The following ZNF362 variants were observed in gnomAD, a reference collection of about 807,000 sequenced individuals.
ZNF362 encodes rotund homolog.
Under a neutral mutation model 42.9 loss-of-function variants are expected in ZNF362, and 11 were observed. That is an observed-to-expected ratio of 0.26 (90% CI 0.16 to 0.42). The LOEUF (loss-of-function observed/expected upper bound fraction) is 0.42. Among genes scored for constraint, ZNF362 ranks in the 20% least tolerant of loss-of-function variants. ZNF362 has a pLI of 1.00. For missense variants in ZNF362, 362 were observed against 576.2 expected, an observed-to-expected ratio of 0.63 and a Z score of 3.81; for synonymous variants, 255 against 257.3, an observed-to-expected ratio of 0.99 and a Z score of 0.09.
At chr1:33,287,662 A>T (rs1032913761) in intron 6 of ZNF362, among the ~76,000 whole-genome samples, 4 of 152,180 alleles carry the variant, frequency 2.6e-5, no homozygotes, top group Non-Finnish European at 4.4e-5. Flanking sequence ...GAGTGATGTT[A>T]TGTACATGCC....
chr1:33,293,434 T>C (rs1306316485), intron 6 of ZNF362, among the ~76,000 whole-genome samples: 1 of 152,194 alleles, frequency 6.6e-6, no homozygotes, highest in Admixed American at 6.5e-5. Context: ...ATGGGCTTAT[T>C]GGTAGCAGGG....
At chr1:33,176,350 G>A in the ZNF362 span, 2 of 658,406 alleles carry the variant, frequency 3.0e-6, no homozygotes, top group Non-Finnish European at 2.8e-6. Flanking sequence ...CTAGCCCCCA[G>A]CCCCCTCCCT....
chr1:33,273,362 A>G (rs1645919717), intron 2 of ZNF362, among the ~76,000 whole-genome samples: 1 of 152,200 alleles, frequency 6.6e-6, no homozygotes, highest in Admixed American at 6.5e-5. Context: ...ATCTAGGGTG[A>G]AGGGTGGCCC....
the ZNF362 span, among the ~76,000 whole-genome samples, chr1:33,207,308 C>T: frequency 6.6e-6 from 1 of 152,152 alleles, no homozygotes; most frequent in Non-Finnish European, 1.5e-5. Context: ...GCATAGTATT[C>T]CATGGTGTAT....
chr1:33,131,579 G>A, the ZNF362 span, among the ~76,000 whole-genome samples: 1 of 152,092 alleles, frequency 6.6e-6, no homozygotes, highest in Non-Finnish European at 1.5e-5. Flanking sequence ...ATTGAATATT[G>A]ATTTTAGTAT....
At chr1:33,159,613 C>A in the ZNF362 span, 1 of 1,517,126 alleles carries the variant, frequency 6.6e-7, no homozygotes, top group Non-Finnish European at 8.8e-7. The surrounding 1 kb of genome is among the most constrained non-coding windows in gnomAD (Gnocchi z 4.2). Context: ...ATCCCATCTG[C>A]CTCCACTCCC....
the ZNF362 span, among the ~76,000 whole-genome samples, chr1:33,184,377 G>A: frequency 6.6e-6 from 1 of 152,218 alleles, no homozygotes; most frequent in African/African-American, 2.4e-5. Context: ...TCATCCTCCT[G>A]TTCTTCTATG....
the ZNF362 span, chr1:33,146,930 C>G: frequency 1.8e-6 from 1 of 541,150 alleles, no homozygotes; most frequent in Non-Finnish European, 3.3e-6. Context: ...TGAGGAGAAG[C>G]CATGTCACAT....
At chr1:33,133,952 T>C in the ZNF362 span, among the ~76,000 whole-genome samples, 2 of 152,228 alleles carry the variant, frequency 1.3e-5, no homozygotes, top group African/African-American at 4.8e-5. Flanking sequence ...CTTATCTTAC[T>C]CAACCTGGCG....
the ZNF362 span, among the ~76,000 whole-genome samples, chr1:33,137,963 G>T: frequency 1.3e-5 from 2 of 152,212 alleles, no homozygotes; most frequent in Non-Finnish European, 2.9e-5. Context: ...GGTCCAGGGA[G>T]GTGGCAGGGG....
At chr1:33,228,701 G>A in the ZNF362 span, among the ~76,000 whole-genome samples, 1 of 152,082 alleles carries the variant, frequency 6.6e-6, no homozygotes, top group Non-Finnish European at 1.5e-5. Context: ...TGCCACTCTG[G>A]AAGCCATCAC....
At chr1:33,170,598 C>T in the ZNF362 span, among the ~76,000 whole-genome samples, 1 of 152,224 alleles carries the variant, frequency 6.6e-6, no homozygotes, top group South Asian at 2.1e-4. Flanking sequence ...GAGAAGGCCC[C>T]CAGCAGGCAG....
chr1:33,181,017 T>G, the ZNF362 span: 1 of 1,296,450 alleles, frequency 7.7e-7, no homozygotes. This position sits in a 1 kb window ranked among gnomAD's most constrained non-coding sequence, Gnocchi z 6.5. Flanking sequence ...GCAGGCCGGG[T>G]AGCGCACCTG....
the ZNF362 span, among the ~76,000 whole-genome samples, chr1:33,184,207 C>T: frequency 6.6e-6 from 1 of 152,176 alleles, no homozygotes; most frequent in Non-Finnish European, 1.5e-5. Context: ...AAATTCTTAT[C>T]AGGCACAGTA....
chr1:33,261,459 T>G (rs1378288737), intron 1 of ZNF362: 1 of 152,082 alleles, frequency 6.6e-6, no homozygotes, highest in Non-Finnish European at 1.5e-5. Flanking sequence ...CACTGGGTTG[T>G]GGGAAGAAAG....
intron 1 of ZNF362, 53 bp from the exon 2 acceptor site, chr1:33,270,434 A>G: frequency 3.3e-6 from 2 of 614,556 alleles, no homozygotes; most frequent in East Asian, 5.5e-5. Flanking sequence ...GGTAGCTGGC[A>G]CTTTACTATT....
chr1:33,273,559 C>T (rs1225934587), intron 2 of ZNF362, among the ~76,000 whole-genome samples: 1 of 152,202 alleles, frequency 6.6e-6, no homozygotes, highest in African/African-American at 2.4e-5. Context: ...GTGCAGTGGG[C>T]AGAGTCCTGG....
the ZNF362 span, among the ~76,000 whole-genome samples, chr1:33,218,974 CACACACAT>C: frequency 1.6e-3 from 174 of 112,056 alleles, no homozygotes; most frequent in Admixed American, 4.5e-3. Flanking sequence ...CACACACACA[CACACACAT>C]ACACCACCCC....
chr1:33,141,795 A>C, the ZNF362 span: 1 of 169,804 alleles, frequency 5.9e-6, no homozygotes, highest in East Asian at 1.4e-4. Context: ...ACATTTACCT[A>C]TGTAACAAAC....
Sources: allele counts gnomAD v4.1 joint callset (sites outside exome capture counted in the v4.1 genomes callset), GRCh38; gene constraint gnomAD v4.1.1; non-coding constraint Gnocchi (gnomAD v3.1); transcripts MANE v1.5; gene names NCBI Gene and HGNC (gene_info 2026-07-23, HGNC 2026-07-21).